DLEC1: variants seen among roughly 807,000 people sequenced by gnomAD.
DLEC1 encodes DLEC1 cilia and flagella associated protein.
Under a neutral mutation model 198.1 loss-of-function variants are expected in DLEC1, and 146 were observed. The observed-to-expected ratio is 0.74, with a 90% CI of 0.64 to 0.85. The LOEUF is 0.85. Ranked by LOEUF, DLEC1 falls within the 40% of genes least tolerant of loss-of-function variation. The probability of loss-of-function intolerance (pLI) is 0.00; values close to 1 mark genes in which losing one functional copy is unlikely to be tolerated. For synonymous variants in DLEC1, 897 were observed against 866.8 expected, an observed-to-expected ratio of 1.03 and a Z score of -0.61; for missense variants, 2,233 against 2,220.0, an observed-to-expected ratio of 1.01 and a Z score of -0.12.
chr3:38,049,678 C>A (rs1225414000), intron 2 of DLEC1, among the ~76,000 whole-genome samples: 1 of 152,172 alleles, frequency 6.6e-6, no homozygotes, highest in African/African-American at 2.4e-5. Context: ...CCTGACAGCT[C>A]CTGCAGACAC....
At chr3:38,046,794 GCCCAGGAT>G (rs987722732) in intron 2 of DLEC1, among the ~76,000 whole-genome samples, 7 of 152,078 alleles carry the variant, frequency 4.6e-5, no homozygotes, top group Middle Eastern at 6.8e-3. Flanking sequence ...CCCCCCTCAG[GCCCAGGAT>G]CCTGTCCAGG....
intron 6 of DLEC1, among the ~76,000 whole-genome samples, chr3:38,082,795 C>T (rs1246096163): frequency 3.9e-5 from 6 of 152,156 alleles, no homozygotes; most frequent in Admixed American, 1.3e-4. Flanking sequence ...CCCAGAAAAG[C>T]GGGACTTGCC....
At chr3:38,086,464 G>A (rs996034188) in intron 9 of DLEC1, 87 bp downstream of exon 9, 1 of 1,494,868 alleles carries the variant, frequency 6.7e-7, no homozygotes, top group African/African-American at 1.4e-5. Flanking sequence ...GTATACCTAT[G>A]ATTGGAAACA....
At chr3:38,122,047 T>G (rs1271456486) in intron 35 of DLEC1, 24 bp from the exon 36 acceptor site, 1 of 1,612,188 alleles carries the variant, frequency 6.2e-7, no homozygotes, top group African/African-American at 1.3e-5. Context: ...TGCACTCATG[T>G]GTCTTCCCTT....
chr3:38,045,713 A>G lies in DLEC1; in HGVS notation c.562+20A>G. On this transcript the variant is annotated intron_variant, in intron 2 of 36. Coordinates refer to ENST00000308059, the MANE Select transcript of DLEC1 (RefSeq NM_007335.4). Reference sequence around the variant, plus strand: ...CTCCAGGTGTGTATAAAGAACTCCCACATGCCTGCCCAATTCCCGGGCTGT... The same window carrying G: ...CTCCAGGTGTGTATAAAGAACTCCCGCATGCCTGCCCAATTCCCGGGCTGT... 1.3e-6 allele frequency: 2 copies of G among 1,593,226 alleles called. No individual in the cohort carries two copies. The highest frequency in any genetic ancestry group is 1.7e-6 in the Non-Finnish European group (2 of 1,170,926).
At chr3:38,098,074 G>T (rs1699127398) in intron 18 of DLEC1, among the ~76,000 whole-genome samples, 172 bp downstream of exon 18, 1 of 152,242 alleles carries the variant, frequency 6.6e-6, no homozygotes, top group Non-Finnish European at 1.5e-5. Context: ...CGCTGAGGCA[G>T]CTCAGCTCCT....
intron 2 of DLEC1, among the ~76,000 whole-genome samples, chr3:38,053,780 G>A (rs951684856): frequency 2.0e-4 from 30 of 152,230 alleles, no homozygotes; most frequent in Non-Finnish European, 3.4e-4. Flanking sequence ...AAAAGATAGA[G>A]AAATCAGATT....
chr3:38,069,761 T>G (rs1697218184), intron 6 of DLEC1, among the ~76,000 whole-genome samples: 1 of 152,232 alleles, frequency 6.6e-6, no homozygotes, highest in Admixed American at 6.5e-5. Context: ...GCCTTGGTAA[T>G]TGTGACAATA....
chr3:38,060,203 C>T (rs1443342226), intron 3 of DLEC1, among the ~76,000 whole-genome samples: 2 of 152,194 alleles, frequency 1.3e-5, no homozygotes, highest in African/African-American at 2.4e-5. Flanking sequence ...TGAGTTGGAG[C>T]AGGGACTTAT....
intron 22 of DLEC1, 139 bp downstream of exon 22, chr3:38,109,701 G>A (rs1409699717): frequency 1.9e-5 from 26 of 1,402,082 alleles, no homozygotes; most frequent in South Asian, 2.7e-5. Flanking sequence ...GTGTTATTGC[G>A]GCCACTCACC....
At chr3:38,074,670 G>A (rs1697508225) in intron 6 of DLEC1, among the ~76,000 whole-genome samples, 1 of 152,212 alleles carries the variant, frequency 6.6e-6, no homozygotes. Flanking sequence ...ATGCCTTCCT[G>A]GAGGTCAGGT....
intron 10 of DLEC1, among the ~76,000 whole-genome samples, chr3:38,088,590 TAGCC>T (rs1320918321): frequency 2.6e-5 from 4 of 152,200 alleles, no homozygotes; most frequent in African/African-American, 9.7e-5. Flanking sequence ...CAAATGCAGA[TAGCC>T]CTAGCATCAC....
chr3:38,078,611 G>A (rs2125650835), intron 6 of DLEC1, among the ~76,000 whole-genome samples: 1 of 152,304 alleles, frequency 6.6e-6, no homozygotes, highest in African/African-American at 2.4e-5. Flanking sequence ...ATTTGGGCTT[G>A]ACTGAAGTAA....
At chr3:38,105,105 ATTTC>A (rs1699502534) in intron 19 of DLEC1, among the ~76,000 whole-genome samples, 1 of 152,026 alleles carries the variant, frequency 6.6e-6, no homozygotes, top group South Asian at 2.1e-4. Flanking sequence ...TGTTTCACAA[ATTTC>A]TTTCTGTTGT....
chr3:38,042,793 G>A (rs1249008654), intron 1 of DLEC1, among the ~76,000 whole-genome samples: 1 of 152,082 alleles, frequency 6.6e-6, no homozygotes, highest in African/African-American at 2.4e-5. Flanking sequence ...CTGACCTCGT[G>A]ATCCACCCGC....
At position 38,039,279 on chromosome 3, in the gene DLEC1, G is replaced by A; in HGVS notation, c.54G>A (p.Glu18=). 1.2e-6 allele frequency: 2 copies of A among 1,614,056 alleles called. No homozygotes were observed. The highest frequency in any genetic ancestry group is 2.2e-5 in the East Asian group (1 of 44,880). The change falls in exon 1 of 37, where the codon GAG becomes GAA. Residue 18 remains glutamate, a synonymous_variant. Coordinates refer to ENST00000308059, the MANE Select transcript of DLEC1 (RefSeq NM_007335.4). ...GGTCTTTAGCGTCCCGGACCAACGA[G>A]TGCCAGGGGACAATGTGGGCGCCAA... The part of the protein sequence containing the change: ...TRRSLASRTN[E]CQGTMWAPTS...
At chr3:38,064,956 C>A (rs1301158265) in intron 6 of DLEC1, among the ~76,000 whole-genome samples, 2 of 152,198 alleles carry the variant, frequency 1.3e-5, no homozygotes, top group East Asian at 1.9e-4. Flanking sequence ...GCAGAGGCTG[C>A]AAACTCAGCA....
At position 38,094,139 on chromosome 3, in the gene DLEC1, A is replaced by G. The variant is rs573655802; in HGVS notation, c.1919+372A>G. ...CATCCCTAGCCAGCCCCAGCTTTCC[A>G]GAGAGGACATACCATGCCTGTGTAG... On this transcript the variant is annotated intron_variant, in intron 12 of 36. Coordinates refer to ENST00000308059, the MANE Select transcript of DLEC1 (RefSeq NM_007335.4). Among the ~76,000 whole-genome samples the G allele has an allele frequency of 2.6e-5, 4 of 152,306 alleles. No individual in the cohort carries two copies. In the South Asian group the frequency reaches 8.3e-4, roughly 32 times the overall value.
chr3:38,074,111 C>T (rs1005345557), intron 6 of DLEC1, among the ~76,000 whole-genome samples: 6 of 152,210 alleles, frequency 3.9e-5, no homozygotes, highest in South Asian at 2.1e-4. Context: ...GGCCAGATTT[C>T]TGGCACTTGA....
Sources: allele counts gnomAD v4.1 joint callset (sites outside exome capture counted in the v4.1 genomes callset), GRCh38; gene constraint gnomAD v4.1.1; transcripts MANE v1.5; gene names NCBI Gene and HGNC (gene_info 2026-07-23, HGNC 2026-07-21).